The following MGME1 variants were observed in gnomAD, a reference collection of about 807,000 sequenced individuals.
MGME1 encodes mitochondrial genome maintenance exonuclease 1.
In MGME1, 22 loss-of-function variants were observed where a neutral mutation model predicts 33.0. That is an observed-to-expected ratio of 0.67 (90% CI 0.48 to 0.95). The LOEUF is 0.95. Ranked by LOEUF, MGME1 falls within the 40% of genes least tolerant of loss-of-function variation. MGME1 has a pLI of 0.00. For synonymous variants in MGME1, 133 were observed against 144.0 expected, an observed-to-expected ratio of 0.92 and a Z score of 0.55; for missense variants, 383 against 397.8, an observed-to-expected ratio of 0.96 and a Z score of 0.32.
chr20:17,988,288 A>T lies in MGME1; in HGVS notation c.854A>T (p.Tyr285Phe). 6.2e-7 allele frequency: 1 copy of T among 1,613,914 alleles called. No individual in the cohort carries two copies. The highest frequency in any genetic ancestry group is 8.5e-7 in the Non-Finnish European group (1 of 1,179,944). ...GGTGCCATGAACCATGATACCAACT[A>T]CAGCTTTCAGGTCAGGACACTGAGC... ...YMGAMNHDTN[Y>F]SFQVQCGLIV... The change falls in exon 4 of 5, where the codon TAC (tyrosine) becomes TTC (phenylalanine). Residue 285 changes from tyrosine to phenylalanine, a missense_variant. Tyr to Phe is a conservative substitution (Grantham distance 22, BLOSUM62 3). Coordinates refer to ENST00000377710, the MANE Select transcript of MGME1 (RefSeq NM_052865.4).
chr20:17,968,743 A>C, upstream of MGME1: 1 of 398,182 alleles, frequency 2.5e-6, no homozygotes, highest in Non-Finnish European at 4.6e-6. Flanking sequence ...CAGGGCCGCG[A>C]CACGGACGGG....
chr20:17,987,170 TAAAAAAAAAA>T (rs373017515), intron 3 of MGME1, among the ~76,000 whole-genome samples: 1 of 122,440 alleles, frequency 8.2e-6, no homozygotes, highest in Non-Finnish European at 1.6e-5. Context: ...AGACTCCATC[TAAAAAAAAAA>T]AAAAAAAAAG....
rs10677204 is a variant in MGME1 at position 17,981,648 on chromosome 20, CGTGTGT to C, written c.731+5778_731+5783del. Among the ~76,000 whole-genome samples, 1,312 of 139,790 alleles carry C rather than the reference CGTGTGT, an allele frequency of 9.4e-3. 20 individuals are homozygous for C. Among genetic ancestry groups the C allele is most frequent in the African/African-American group, 0.024 (905 of 37,470 alleles). 91.7% of individuals were successfully genotyped at this position (139,790 alleles called of 152,430 possible). Reference sequence around the variant, plus strand: ...GAGCCACCTTGCCCAATCTACTACTCGTGTGTGTGTGTGTGTGTGTGTGTGTGTGTG... The same window carrying C: ...GAGCCACCTTGCCCAATCTACTACTCGTGTGTGTGTGTGTGTGTGTGTGTG... On this transcript the variant is annotated intron_variant, in intron 3 of 4. Coordinates refer to ENST00000377710, the MANE Select transcript of MGME1 (RefSeq NM_052865.4).
At chr20:17,969,689 C>T in intron 1 of MGME1, 112 bp from the exon 2 acceptor site, 1 of 647,250 alleles carries the variant, frequency 1.5e-6, no homozygotes. Flanking sequence ...CTCGCTCTGT[C>T]GACTTTCTTA....
At chr20:17,978,356 C>T (rs2035920405) in intron 3 of MGME1, among the ~76,000 whole-genome samples, 1 of 152,170 alleles carries the variant, frequency 6.6e-6, no homozygotes, top group Non-Finnish European at 1.5e-5. Context: ...AGGTGCACGC[C>T]ACCACACCCG....
intron 3 of MGME1, among the ~76,000 whole-genome samples, chr20:17,976,978 G>A (rs572608025): frequency 7.9e-5 from 12 of 151,968 alleles, no homozygotes; most frequent in African/African-American, 2.4e-4. Flanking sequence ...TTTTTATATC[G>A]TAGCTGTCTT....
intron 3 of MGME1, among the ~76,000 whole-genome samples, chr20:17,982,612 T>C (rs1268614618): frequency 1.3e-5 from 2 of 152,208 alleles, no homozygotes. Flanking sequence ...ACCAAGAATA[T>C]GAGTGAATAC....
chr20:17,973,221 G>T (rs954275864), intron 2 of MGME1, among the ~76,000 whole-genome samples: 1 of 152,104 alleles, frequency 6.6e-6, no homozygotes, highest in African/African-American at 2.4e-5. Flanking sequence ...GCGATCACTT[G>T]TAATCCCAGC....
rs73107120 is a variant in MGME1, at chr20:17,970,129, A to G, written c.270A>G (p.Gln90=). 0.022 allele frequency: 35,422 copies of G among 1,614,224 alleles called. 459 individuals carry two copies. The highest frequency in any genetic ancestry group is 0.027 in the Non-Finnish European group (31,334 of 1,180,034). The change falls in exon 2 of 5, where the codon CAA becomes CAG. Residue 90 remains glutamine (Q), a synonymous_variant. Coordinates refer to ENST00000377710, the MANE Select transcript of MGME1 (RefSeq NM_052865.4). ...GPVSKHKLPN[Q]GEDRRVPQNW... is the part of the protein sequence containing the mutation. ...TGAGCAAGCATAAGCTGCCAAACCA[A>G]GGTGAGGACAGACGAGTGCCACAAA...
Position 17,988,279 on chromosome 20 carries a change from A to G in MGME1, c.845A>G (p.Asp282Gly). 1 of 1,613,978 alleles carries G rather than the reference A, an allele frequency of 6.2e-7. No homozygotes were observed. The highest frequency in any genetic ancestry group is 8.5e-7 in the Non-Finnish European group (1 of 1,179,920). Residue 282 changes from aspartate (D) to glycine (G), a missense_variant, in exon 4 of 5, where the codon GAT becomes GGT. Transcript: ENST00000377710. ...VVAYMGAMNHDTNYSFQVQCG... is the reference protein window; with the variant it reads ...VVAYMGAMNHGTNYSFQVQCG... Reference sequence around the variant, plus strand: ...GCATACATGGGTGCCATGAACCATGATACCAACTACAGCTTTCAGGTCAGG... The same window carrying G: ...GCATACATGGGTGCCATGAACCATGGTACCAACTACAGCTTTCAGGTCAGG...
At chr20:17,979,474 C>T (rs1300635945) in intron 3 of MGME1, among the ~76,000 whole-genome samples, 7 of 150,746 alleles carry the variant, frequency 4.6e-5, no homozygotes, top group South Asian at 2.1e-4. Context: ...TGCAGTGGCG[C>T]GATCTCGGCT....
intron 2 of MGME1, among the ~76,000 whole-genome samples, chr20:17,974,061 G>GTGTGTT (rs760926414): frequency 4.7e-5 from 4 of 85,474 alleles, no homozygotes; most frequent in Non-Finnish European, 9.5e-5. Context: ...CTCTTTGTGT[G>GTGTGTT]TTTTTTTTTT....
At chr20:17,975,098 C>T (rs534556904) in intron 2 of MGME1, among the ~76,000 whole-genome samples, 1 of 152,016 alleles carries the variant, frequency 6.6e-6, no homozygotes, top group Non-Finnish European at 1.5e-5. Flanking sequence ...GTCTTGTAGC[C>T]GCCAGATCTT....
chr20:17,988,992 G>A (rs899183912), intron 4 of MGME1, among the ~76,000 whole-genome samples: 2 of 152,130 alleles, frequency 1.3e-5, no homozygotes, highest in Non-Finnish European at 2.9e-5. Context: ...GGGAGGCTGA[G>A]GTGGGAGGAT....
At chr20:17,971,738 C>T (rs912751457) in intron 2 of MGME1, among the ~76,000 whole-genome samples, 2 of 151,668 alleles carry the variant, frequency 1.3e-5, no homozygotes, top group African/African-American at 2.4e-5. Flanking sequence ...TCTAGATTAG[C>T]ACTCAGCTGT....
chr20:17,989,388 C>CAAAT (rs58644150), intron 4 of MGME1, among the ~76,000 whole-genome samples: 15,911 of 142,372 alleles, frequency 0.11, 1,029 homozygotes, highest in Middle Eastern at 0.15. Flanking sequence ...TGTCTCTCTC[C>CAAAT]AAATAAATAA....
At chr20:17,988,099 T>A in intron 3 of MGME1, 67 bp from the exon 4 acceptor site, 1 of 1,462,594 alleles carries the variant, frequency 6.8e-7, no homozygotes, top group Non-Finnish European at 9.3e-7. Flanking sequence ...ATAAGAGAAC[T>A]GTTAACCTAG....
chr20:17,983,303 A>G (rs903144861), intron 3 of MGME1, among the ~76,000 whole-genome samples: 22 of 63,720 alleles, frequency 3.5e-4, no homozygotes, highest in Non-Finnish European at 1.3e-4. Context: ...GTGTGTGTGT[A>G]TCCACATTTT....
In MGME1 at chr20:17,970,228, C is replaced by T. The variant is rs1461113424; in HGVS notation, c.369C>T (p.Ile123=). The part of the protein sequence containing the change: ...NASDPSVPLK[I]PLQRNVIPSV... ...GTGATCCTTCAGTTCCTTTGAAAAT[C>T]CCCTTGCAAAGGAATGTGATACCAA... is the stretch of plus-strand genomic sequence containing the variant. The change falls in exon 2 of 5, where the codon ATC becomes ATT. Residue 123 remains isoleucine, a synonymous_variant. Transcript: ENST00000377710. 1 of 1,614,196 alleles carries T rather than the reference C, an allele frequency of 6.2e-7. No homozygotes were observed. Among genetic ancestry groups the T allele is most frequent in the South Asian group, 1.1e-5 (1 of 91,084 alleles).
Sources: allele counts gnomAD v4.1 joint callset (sites outside exome capture counted in the v4.1 genomes callset), GRCh38; gene constraint gnomAD v4.1.1; transcripts MANE v1.5; gene names NCBI Gene and HGNC (gene_info 2026-07-23, HGNC 2026-07-21).